LIMS1: variants seen among roughly 807,000 people sequenced by gnomAD.
LIMS1 encodes the protein LIM zinc finger domain containing 1, also known as LIM and senescent cell antigen-like-containing domain protein 1.
LIMS1 carries 18 observed loss-of-function variants against 44.1 expected under a neutral mutation model. That is an observed-to-expected ratio of 0.41 (90% CI 0.28 to 0.61). LIMS1 has a LOEUF of 0.61. Among genes scored for constraint, LIMS1 ranks in the 20% least tolerant of loss-of-function variants. The pLI is 0.32. For missense variants in LIMS1, 201 were observed against 422.0 expected (o/e 0.48, Z 4.59); for synonymous variants, 93 against 149.1 (o/e 0.62, Z 2.74).
intron 1 of LIMS1, among the ~76,000 whole-genome samples, chr2:108,585,559 G>A (rs79609006): frequency 1.3e-5 from 2 of 152,134 alleles, no homozygotes; most frequent in African/African-American, 4.8e-5. Context: ...CTAACAGGGA[G>A]GAAGTAGTTG....
intron 1 of LIMS1, among the ~76,000 whole-genome samples, chr2:108,612,059 T>C (rs1192274904): frequency 2.1e-5 from 3 of 145,740 alleles, no homozygotes; most frequent in Non-Finnish European, 3.0e-5. Flanking sequence ...CACACATATA[T>C]ATATATATAT....
At chr2:108,625,360 A>G (rs11884470) in intron 1 of LIMS1, among the ~76,000 whole-genome samples, 3,822 of 152,264 alleles carry the variant, frequency 0.025, 103 homozygotes, top group African/African-American at 0.064. Flanking sequence ...ACACAGACCA[A>G]TGTGGCCCAC....
intron 1 of LIMS1, among the ~76,000 whole-genome samples, chr2:108,583,026 TTTG>T (rs1328638396): frequency 6.6e-6 from 1 of 151,922 alleles, no homozygotes; most frequent in African/African-American, 2.4e-5. Flanking sequence ...AGGGGTGTTT[TTTG>T]TTGTTTTTTT....
At chr2:108,541,319 C>T (rs1684308225) in intron 1 of LIMS1, among the ~76,000 whole-genome samples, 1 of 152,154 alleles carries the variant, frequency 6.6e-6, no homozygotes, top group Non-Finnish European at 1.5e-5. Flanking sequence ...CATTGCTGTC[C>T]ATTTTAAAAT....
At chr2:108,554,755 C>T (rs1006596584) in intron 1 of LIMS1, among the ~76,000 whole-genome samples, 10 of 152,222 alleles carry the variant, frequency 6.6e-5, no homozygotes, top group Middle Eastern at 3.4e-3. Flanking sequence ...TCTCAGGAGG[C>T]GGCCAGACAC....
Position 108,600,934 on chromosome 2 carries a change from T to TTC in LIMS1, c.33-58670_33-58669insCT, listed in dbSNP as rs1402599572. Among the ~76,000 whole-genome samples the TTC allele has an allele frequency of 2.1e-3, 309 of 148,176 alleles. 3 individuals carry two copies. The highest frequency in any genetic ancestry group is 7.3e-3 in the African/African-American group (295 of 40,218). ...TTCTCTTCTCTTCTCTTCTCTTCTC[T>TTC]TTTTTCTTCACTTTTCTTTCACAGA... On this transcript the variant is annotated intron_variant, in intron 1 of 9. Coordinates refer to ENST00000544547, the Ensembl canonical transcript of LIMS1.
intron 5 of LIMS1, 111 bp downstream of exon 5, chr2:108,673,140 T>C: frequency 2.7e-6 from 4 of 1,466,054 alleles, no homozygotes; most frequent in Non-Finnish European, 2.8e-6. Context: ...ATTTTTAGTC[T>C]AGAAAATTTT....
chr2:108,553,502 A>G (rs1024930036), intron 1 of LIMS1, among the ~76,000 whole-genome samples: 1 of 152,198 alleles, frequency 6.6e-6, no homozygotes, highest in Non-Finnish European at 1.5e-5. Context: ...ATCCCAAAAT[A>G]CTAGAGTTAG....
At chr2:108,620,104 A>G (rs1276268467) in intron 1 of LIMS1, among the ~76,000 whole-genome samples, 1 of 152,220 alleles carries the variant, frequency 6.6e-6, no homozygotes, top group African/African-American at 2.4e-5. Context: ...GACCTAGCGT[A>G]ACAAATGGTA....
chr2:108,618,582 G>T (rs1032620386), intron 1 of LIMS1, among the ~76,000 whole-genome samples: 3 of 151,992 alleles, frequency 2.0e-5, no homozygotes, highest in Non-Finnish European at 2.9e-5. Context: ...ATCCCAGCCC[G>T]TTGGGAGGCT....
upstream of LIMS1, chr2:108,534,140 C>G (rs776827921): frequency 1.3e-5 from 2 of 153,556 alleles, no homozygotes; most frequent in South Asian, 2.1e-4. Context: ...CGCCGCGCTC[C>G]GTGGGCTCCC....
At chr2:108,612,284 G>A (rs1468954195) in intron 1 of LIMS1, among the ~76,000 whole-genome samples, 3 of 152,008 alleles carry the variant, frequency 2.0e-5, no homozygotes, top group African/African-American at 7.3e-5. Context: ...GCTCTAAAGT[G>A]TGTTTGTGGT....
At chr2:108,647,111 A>G (rs1230822074) in intron 1 of LIMS1, among the ~76,000 whole-genome samples, 3 of 152,250 alleles carry the variant, frequency 2.0e-5, no homozygotes, top group African/African-American at 7.2e-5. Flanking sequence ...AAATAGATGC[A>G]ATAAAAAATG....
At chr2:108,576,699 A>G (rs897599443) in intron 1 of LIMS1, among the ~76,000 whole-genome samples, 1 of 152,156 alleles carries the variant, frequency 6.6e-6, no homozygotes, top group African/African-American at 2.4e-5. Flanking sequence ...GTGCCTGGCC[A>G]CAAGTTAAAG....
At chr2:108,581,664 A>T (rs879765916) in intron 1 of LIMS1, among the ~76,000 whole-genome samples, 4 of 152,136 alleles carry the variant, frequency 2.6e-5, no homozygotes, top group African/African-American at 4.8e-5. Flanking sequence ...TAGGCTGGGC[A>T]CGGTGGCTCA....
chr2:108,637,099 A>ATGGGTGTG (rs1553463995), intron 1 of LIMS1, among the ~76,000 whole-genome samples: 1 of 98,528 alleles, frequency 1.0e-5, no homozygotes, highest in Non-Finnish European at 2.2e-5. Flanking sequence ...ATATACATAT[A>ATGGGTGTG]TGTGTGTGTG....
At chr2:108,534,440 C>T in exon 1 of LIMS1, 1 of 748,642 alleles carries the variant, frequency 1.3e-6, no homozygotes, top group Non-Finnish European at 1.7e-6. Context: ...CGGCCCCTGG[C>T]CTTCCTCCCC....
intron 1 of LIMS1, among the ~76,000 whole-genome samples, chr2:108,638,672 AG>A (rs1689444831): frequency 6.6e-6 from 1 of 151,888 alleles, no homozygotes; most frequent in African/African-American, 2.4e-5. Context: ...ACTTGAACCC[AG>A]GAGATCGAGG....
intron 1 of LIMS1, among the ~76,000 whole-genome samples, chr2:108,643,607 A>T (rs1245248035): frequency 6.6e-6 from 1 of 151,054 alleles, no homozygotes; most frequent in Admixed American, 6.6e-5. Flanking sequence ...TTCATACCCC[A>T]GTGGTAGCGT....
Sources: gnomAD v4.1 joint callset for allele counts (sites outside exome capture counted in the v4.1 genomes callset) on GRCh38, gnomAD v4.1.1 for gene constraint, MANE v1.5 for transcripts, NCBI Gene and HGNC (gene_info 2026-07-23, HGNC 2026-07-21) for gene names.